LRRTM4: variants seen among roughly 807,000 people sequenced by gnomAD.
The protein encoded by LRRTM4 is leucine-rich repeat transmembrane neuronal protein 4.
LRRTM4 carries 25 observed loss-of-function variants against 47.6 expected under a neutral mutation model. That is an observed-to-expected ratio of 0.53 (90% confidence interval 0.38 to 0.73). The LOEUF is 0.73. Among genes scored for constraint, LRRTM4 ranks in the 30% least tolerant of loss-of-function variants. The pLI, the probability that LRRTM4 is intolerant of heterozygous loss-of-function variation, is 0.00. For missense variants in LRRTM4, 638 were observed against 713.4 expected, an observed-to-expected ratio of 0.89 and a Z score of 1.20; for synonymous variants, 311 against 269.5, an observed-to-expected ratio of 1.15 and a Z score of -1.51.
intron 3 of LRRTM4, among the ~76,000 whole-genome samples, chr2:77,101,519 C>T (rs1670951793): frequency 6.6e-6 from 1 of 152,154 alleles, no homozygotes; most frequent in South Asian, 2.1e-4. Context: ...ATTTCCTGCA[C>T]CTCCACCTGA....
At chr2:76,755,334 A>G (rs1174991685) in intron 3 of LRRTM4, among the ~76,000 whole-genome samples, 1 of 152,144 alleles carries the variant, frequency 6.6e-6, no homozygotes, top group Non-Finnish European at 1.5e-5. Context: ...TTACAACACT[A>G]TTTTGAGAAA....
chr2:77,303,879 T>A (rs143207376), intron 3 of LRRTM4, among the ~76,000 whole-genome samples: 16 of 152,302 alleles, frequency 1.1e-4, no homozygotes, highest in Admixed American at 3.9e-4. Flanking sequence ...TAGATTGATT[T>A]CATATCTTGG....
chr2:76,930,657 A>T (rs1307198733), intron 3 of LRRTM4, among the ~76,000 whole-genome samples: 3 of 152,122 alleles, frequency 2.0e-5, no homozygotes, highest in Non-Finnish European at 4.4e-5. Flanking sequence ...TGACTTCAGC[A>T]TGCTGTAGTG....
chr2:77,288,511 A>G (rs1676725528), intron 3 of LRRTM4, among the ~76,000 whole-genome samples: 2 of 152,042 alleles, frequency 1.3e-5, no homozygotes, highest in Admixed American at 6.6e-5. Context: ...ATATTCATAA[A>G]CTATAAAAAA....
At chr2:77,442,322 C>CT (rs1354435252) in intron 3 of LRRTM4, among the ~76,000 whole-genome samples, 2 of 152,068 alleles carry the variant, frequency 1.3e-5, no homozygotes, top group Admixed American at 1.3e-4. Flanking sequence ...CTTTGGCAGT[C>CT]TTTTTCTTTC....
chr2:76,974,167 T>TATATATAC (rs1558771460), intron 3 of LRRTM4, among the ~76,000 whole-genome samples: 1,889 of 111,808 alleles, frequency 0.017, 75 homozygotes, highest in African/African-American at 0.084. Context: ...TATATATATA[T>TATATATAC]ACATACATAT....
In LRRTM4 at chr2:77,477,903, A is replaced by AAAAGAAAGAAAGAAG. The variant is rs1677480935; in HGVS notation, c.1551+40414_1551+40415insCTTCTTTCTTTCTTT. Among the ~76,000 whole-genome samples, 4 of 109,826 alleles carry AAAAGAAAGAAAGAAG rather than the reference A, an allele frequency of 3.6e-5. No individual in the cohort carries two copies. In the Admixed American group the frequency reaches 4.4e-4, roughly 12 times the overall value. The allele number at this position is 109,826 out of a possible 152,430, so 72.1% of individuals were successfully genotyped here. ...AAAGAGAAAGAAAGAAAAAGAAAGA[A>AAAAGAAAGAAAGAAG]AAAGAAAGAAAGAAAGAAAGAAAGA... On this transcript the variant is annotated intron_variant, in intron 3 of 3. Coordinates refer to ENST00000409884, the MANE Select transcript of LRRTM4 (RefSeq NM_001134745.3).
intron 3 of LRRTM4, among the ~76,000 whole-genome samples, chr2:76,887,769 C>T (rs1050250456): frequency 1.3e-5 from 2 of 150,082 alleles, no homozygotes; most frequent in Non-Finnish European, 3.0e-5. Context: ...CTGAGAAAAA[C>T]ATAAGAAAAT....
chr2:76,995,220 A>T (rs538401508), intron 3 of LRRTM4, among the ~76,000 whole-genome samples: 1 of 152,162 alleles, frequency 6.6e-6, no homozygotes, highest in Non-Finnish European at 1.5e-5. Context: ...CATATTTCCT[A>T]TGAATTAAGT....
intron 3 of LRRTM4, among the ~76,000 whole-genome samples, chr2:77,458,792 A>G (rs931796435): frequency 5.3e-5 from 8 of 151,092 alleles, no homozygotes; most frequent in African/African-American, 1.9e-4. Context: ...AGATTTTAAT[A>G]TTGTTAAGGT....
intron 3 of LRRTM4, among the ~76,000 whole-genome samples, chr2:76,925,977 T>G (rs1674577737): frequency 6.6e-6 from 1 of 152,172 alleles, no homozygotes; most frequent in African/African-American, 2.4e-5. Flanking sequence ...ATTCAGCTTG[T>G]AAGTTCTTTG....
chr2:76,749,371 T>A (rs1203203995), intron 3 of LRRTM4, among the ~76,000 whole-genome samples: 1 of 152,150 alleles, frequency 6.6e-6, no homozygotes, highest in Non-Finnish European at 1.5e-5. Context: ...TGTAAATAAA[T>A]ATATTTACAC....
chr2:76,898,878 G>T (rs532322471), intron 3 of LRRTM4, among the ~76,000 whole-genome samples: 2 of 151,294 alleles, frequency 1.3e-5, no homozygotes, highest in South Asian at 4.2e-4. Context: ...TTTTACATAC[G>T]TTGTAGACCA....
intron 3 of LRRTM4, among the ~76,000 whole-genome samples, chr2:76,857,309 AAT>A (rs1177824034): frequency 1.4e-5 from 2 of 147,884 alleles, no homozygotes; most frequent in Non-Finnish European, 3.0e-5. Context: ...CAGTATATAT[AAT>A]ATATATATAA....
chr2:76,785,942 A>G lies in LRRTM4; in HGVS notation c.1552-37026T>C, dbSNP rs77071446. On this transcript the variant is annotated intron_variant, in intron 3 of 3. Coordinates refer to ENST00000409884, the MANE Select transcript of LRRTM4 (RefSeq NM_001134745.3). ...ATGAGCCATGGGTAGAAATATCTGC[A>G]GCAAAAGGTAATCAATTGCACTTGA... 3.9e-5 allele frequency among the ~76,000 whole-genome samples: 6 copies of G among 152,278 alleles called. No individual in the cohort carries two copies. In the East Asian group the frequency reaches 7.7e-4, roughly 20 times the overall value.
chr2:76,905,087 A>G lies in LRRTM4; in HGVS notation c.1552-156171T>C, dbSNP rs531929959. Among the ~76,000 whole-genome samples, 4 of 152,270 alleles carry G rather than the reference A, an allele frequency of 2.6e-5. No individual in the cohort carries two copies. The East Asian group carries it at 5.8e-4, about 22-fold the overall frequency. On this transcript the variant is annotated intron_variant, in intron 3 of 3. Transcript: ENST00000409884. ...CCCCTGACCACTGAGCAGCCTAACTAGGAGGCACCCCCCAGTAGGGGCAGA... is the reference window on the plus strand; with the variant it reads ...CCCCTGACCACTGAGCAGCCTAACTGGGAGGCACCCCCCAGTAGGGGCAGA...
chr2:77,138,244 T>G (rs997530022), intron 3 of LRRTM4, among the ~76,000 whole-genome samples: 1 of 152,048 alleles, frequency 6.6e-6, no homozygotes, highest in African/African-American at 2.4e-5. Flanking sequence ...TCAGCAAATG[T>G]AAAAGAACAG....
At chr2:76,972,577 C>T (rs1215385661) in intron 3 of LRRTM4, among the ~76,000 whole-genome samples, 1 of 151,812 alleles carries the variant, frequency 6.6e-6, no homozygotes, top group South Asian at 2.1e-4. Flanking sequence ...GCCACCACAC[C>T]TGGCTACTTT....
chr2:77,017,336 A>C (rs1253169230), intron 3 of LRRTM4, among the ~76,000 whole-genome samples: 1 of 152,194 alleles, frequency 6.6e-6, no homozygotes, highest in Non-Finnish European at 1.5e-5. Flanking sequence ...TAATCTGATA[A>C]AATAATTATA....
Sources: allele counts gnomAD v4.1 joint callset (sites outside exome capture counted in the v4.1 genomes callset), GRCh38; gene constraint gnomAD v4.1.1; transcripts MANE v1.5; gene names NCBI Gene and HGNC (gene_info 2026-07-23, HGNC 2026-07-21).